PLPPR1: variants seen among roughly 807,000 people sequenced by gnomAD.
PLPPR1 encodes phospholipid phosphatase-related protein type 1.
A neutral mutation model predicts 33.1 loss-of-function variants in PLPPR1; 10 were observed. The ratio of observed to expected loss-of-function variants is 0.30; its 90% CI spans 0.19 to 0.51. The LOEUF is 0.51. Ranked by LOEUF, PLPPR1 falls within the 20% of genes least tolerant of loss-of-function variation. The pLI is 0.97. For synonymous variants in PLPPR1, 151 were observed against 151.0 expected (o/e 1.00, Z 0.00); for missense variants, 304 against 408.1 (o/e 0.74, Z 2.20).
At chr9:101,070,188 G>T (rs888510639) in intron 1 of PLPPR1, among the ~76,000 whole-genome samples, 6 of 152,002 alleles carry the variant, frequency 3.9e-5, no homozygotes, top group Non-Finnish European at 7.4e-5. Context: ...TGGGGTCAGG[G>T]GGACTATCAA....
At chr9:101,064,407 T>A (rs187048183) in intron 1 of PLPPR1, among the ~76,000 whole-genome samples, 1 of 152,138 alleles carries the variant, frequency 6.6e-6, no homozygotes, top group Admixed American at 6.5e-5. Context: ...ATGGAATGAA[T>A]GAATGAATGA....
At chr9:101,102,590 A>G (rs1483027505) in intron 1 of PLPPR1, among the ~76,000 whole-genome samples, 4 of 60,494 alleles carry the variant, frequency 6.6e-5, no homozygotes. Flanking sequence ...ATTGTGAATA[A>G]TGCCGCAATA....
chr9:101,192,236 G>A (rs1826308685), intron 2 of PLPPR1, among the ~76,000 whole-genome samples: 1 of 152,114 alleles, frequency 6.6e-6, no homozygotes, highest in South Asian at 2.1e-4. Flanking sequence ...TGACTGCCCT[G>A]TTCCTGAGAC....
At position 101,274,705 on chromosome 9, in the gene PLPPR1, C is replaced by G. The variant is rs78842738; in HGVS notation, c.252+4637C>G. Among the ~76,000 whole-genome samples the G allele has an allele frequency of 4.6e-3, 705 of 152,224 alleles. 5 individuals carry two copies. Among genetic ancestry groups the G allele is most frequent in the African/African-American group, 0.016 (684 of 41,548 alleles). ...ATGACCTGTTGCAGCTCCCAAGTGC[C>G]CACCTCAGCACACACTCCTGCTTCT... On this transcript the variant is annotated intron_variant, in intron 3 of 7. Transcript: ENST00000374874.
intron 2 of PLPPR1, among the ~76,000 whole-genome samples, chr9:101,241,989 G>A (rs1215296647): frequency 6.6e-6 from 1 of 152,082 alleles, no homozygotes; most frequent in Non-Finnish European, 1.5e-5. Context: ...GAATCTGGCT[G>A]ATTGGCTCTT....
At chr9:101,044,772 G>A (rs1273038311) in intron 1 of PLPPR1, among the ~76,000 whole-genome samples, 1 of 152,122 alleles carries the variant, frequency 6.6e-6, no homozygotes, top group Non-Finnish European at 1.5e-5. Context: ...ATCACCCTAG[G>A]ATCAGATGTG....
At chr9:101,036,332 C>A (rs2252504) in intron 1 of PLPPR1, among the ~76,000 whole-genome samples, 45,879 of 151,974 alleles carry the variant, frequency 0.3, 8,494 homozygotes, top group Non-Finnish European at 0.41. Flanking sequence ...CATTTCATGA[C>A]CTGGCTAATC....
At chr9:101,143,250 A>G (rs1831476806) in intron 1 of PLPPR1, among the ~76,000 whole-genome samples, 1 of 152,120 alleles carries the variant, frequency 6.6e-6, no homozygotes, top group Admixed American at 6.6e-5. Context: ...AAGTCTATCA[A>G]ATCATCTAGA....
intron 2 of PLPPR1, among the ~76,000 whole-genome samples, chr9:101,269,203 T>TA (rs999553742): frequency 1.2e-4 from 19 of 152,262 alleles, no homozygotes; most frequent in Middle Eastern, 6.8e-3. Flanking sequence ...TTTTTTTTTT[T>TA]ATGTCTGTCT....
chr9:101,214,331 A>T (rs1564177705), intron 2 of PLPPR1, among the ~76,000 whole-genome samples: 1 of 152,196 alleles, frequency 6.6e-6, no homozygotes, highest in Non-Finnish European at 1.5e-5. Flanking sequence ...AACATATTCT[A>T]ACTAGCTAGC....
At chr9:101,196,615 A>C (rs1400960458) in intron 2 of PLPPR1, among the ~76,000 whole-genome samples, 1 of 152,210 alleles carries the variant, frequency 6.6e-6, no homozygotes, top group African/African-American at 2.4e-5. Flanking sequence ...TAATCCCAGC[A>C]CTTTGGGAGG....
intron 1 of PLPPR1, chr9:101,125,305 T>C (rs182763484): frequency 9.7e-4 from 162 of 166,494 alleles, no homozygotes; most frequent in Non-Finnish European, 1.5e-3. Context: ...GTCTCTACTT[T>C]ACTTACTTAC....
At chr9:101,279,998 C>G (rs1247285419) in intron 3 of PLPPR1, among the ~76,000 whole-genome samples, 1 of 151,724 alleles carries the variant, frequency 6.6e-6, no homozygotes, top group Admixed American at 6.6e-5. Context: ...TACAAAAGAT[C>G]GATTAAATGA....
chr9:101,145,235 A>G (rs1290201717), intron 1 of PLPPR1, among the ~76,000 whole-genome samples: 6 of 152,226 alleles, frequency 3.9e-5, no homozygotes, highest in Admixed American at 3.9e-4. Flanking sequence ...AATGTATTAT[A>G]TACTTGAAAA....
chr9:101,055,168 A>G lies in PLPPR1; in HGVS notation c.-46+26066A>G, dbSNP rs138383227. Among the ~76,000 whole-genome samples, 52 of 152,320 alleles carry G rather than the reference A, an allele frequency of 3.4e-4. 1 individual carries two copies. Among genetic ancestry groups the G allele is most frequent in the African/African-American group, 1.2e-3 (51 of 41,582 alleles). On this transcript the variant is annotated intron_variant, in intron 1 of 7. Transcript: ENST00000374874. ...ATAAAATTAAGTTCTATTTTCCTTG[A>G]AGGATTTTTGCATCCTGTACAGGAG...
chr9:101,291,060 G>A (rs1257716840), intron 4 of PLPPR1, among the ~76,000 whole-genome samples: 2 of 152,230 alleles, frequency 1.3e-5, no homozygotes, highest in Non-Finnish European at 2.9e-5. Flanking sequence ...ACGGCACCTG[G>A]AAAATCGGGT....
intron 1 of PLPPR1, among the ~76,000 whole-genome samples, chr9:101,042,332 A>G (rs1414087795): frequency 1.3e-5 from 2 of 152,092 alleles, no homozygotes; most frequent in East Asian, 3.9e-4. Context: ...TGAATTCAAG[A>G]TTCTTTGTTG....
chr9:101,133,466 T>C (rs72741436), intron 1 of PLPPR1, among the ~76,000 whole-genome samples: 6,857 of 152,290 alleles, frequency 0.045, 210 homozygotes, highest in Non-Finnish European at 0.066. Context: ...ATCTGAAACC[T>C]TTTGTCATTT....
chr9:101,082,233 A>T (rs1335224192), intron 1 of PLPPR1, among the ~76,000 whole-genome samples: 1 of 152,090 alleles, frequency 6.6e-6, no homozygotes, highest in East Asian at 1.9e-4. Context: ...GTGTCTGATT[A>T]CCCTGTTACT....
Sources: gnomAD v4.1 joint callset for allele counts (sites outside exome capture counted in the v4.1 genomes callset) on GRCh38, gnomAD v4.1.1 for gene constraint, MANE v1.5 for transcripts, NCBI Gene and HGNC (gene_info 2026-07-23, HGNC 2026-07-21) for gene names.